The following GRIP1 variants were observed in gnomAD, a reference collection of about 807,000 sequenced individuals.
GRIP1 encodes the protein glutamate receptor-interacting protein 1.
A neutral mutation model predicts 129.9 loss-of-function variants in GRIP1; 45 were observed. That is an observed-to-expected ratio of 0.35 (90% CI 0.27 to 0.44). The LOEUF is 0.44. GRIP1 is among the 20% of genes least tolerant of loss of function. GRIP1 has a pLI of 1.00. For synonymous variants in GRIP1, 530 were observed against 520.8 expected (o/e 1.02, Z -0.24); for missense variants, 1,196 against 1,396.8 (o/e 0.86, Z 2.29).
intron 1 of GRIP1, among the ~76,000 whole-genome samples, chr12:66,811,280 T>C (rs1476341988): frequency 2.0e-5 from 3 of 152,222 alleles, no homozygotes; most frequent in Non-Finnish European, 4.4e-5. Flanking sequence ...AATTTCTGAA[T>C]GTAAAATGCT....
intron 1 of GRIP1, among the ~76,000 whole-genome samples, chr12:66,960,714 T>C (rs1485431135): frequency 2.0e-5 from 3 of 152,124 alleles, no homozygotes; most frequent in Non-Finnish European, 2.9e-5. Flanking sequence ...GTTGACACAA[T>C]TGGGGGCATC....
chr12:67,008,377 T>A (rs982100218), intron 1 of GRIP1, among the ~76,000 whole-genome samples: 1 of 152,148 alleles, frequency 6.6e-6, no homozygotes, highest in African/African-American at 2.4e-5. Context: ...CATGTAAAGG[T>A]TTATCTTAAA....
chr12:66,678,523 A>G (rs2034443973), intron 1 of GRIP1, among the ~76,000 whole-genome samples: 1 of 152,152 alleles, frequency 6.6e-6, no homozygotes, highest in South Asian at 2.1e-4. Flanking sequence ...CCTTTTGGCC[A>G]GTTAATCAGC....
intron 1 of GRIP1, among the ~76,000 whole-genome samples, chr12:66,851,014 C>T (rs1277810688): frequency 6.0e-5 from 9 of 149,770 alleles, no homozygotes; most frequent in South Asian, 4.3e-4. Flanking sequence ...ATGATTTATA[C>T]TGACTTCATT....
chr12:66,678,657 A>C (rs976667995), intron 1 of GRIP1, among the ~76,000 whole-genome samples, 193 bp downstream of exon 1: 2 of 152,190 alleles, frequency 1.3e-5, no homozygotes, highest in Non-Finnish European at 2.9e-5. Flanking sequence ...CAGCACGAAC[A>C]CAACCGAGAT....
At position 66,738,217 on chromosome 12, in the gene GRIP1, CT is replaced by C. The variant is rs141675411; in HGVS notation, c.-420+65835del. ...AGTGATGTCATAGATTTCTCTTTTT[CT>C]TTTTTTTTTCTTTTTTTTTGAGACA... On this transcript the variant is annotated intron_variant, in intron 1 of 4. Transcript: ENST00000538373. 4.7e-5 allele frequency among the ~76,000 whole-genome samples: 7 copies of C among 148,246 alleles called. No homozygotes were observed. In the South Asian group the frequency reaches 6.5e-4, roughly 14 times the overall value.
intron 1 of GRIP1, among the ~76,000 whole-genome samples, chr12:66,664,237 A>G (rs1054563862): frequency 2.6e-5 from 4 of 152,288 alleles, no homozygotes; most frequent in African/African-American, 7.2e-5. Flanking sequence ...CCAAAAATCA[A>G]TATGCTCAGA....
intron 1 of GRIP1, among the ~76,000 whole-genome samples, chr12:66,613,469 T>C (rs1185059947): frequency 6.6e-6 from 1 of 152,124 alleles, no homozygotes; most frequent in Non-Finnish European, 1.5e-5. Context: ...GAATTTTAAT[T>C]AAATAAAATG....
chr12:66,410,058 G>A (rs994079899), intron 15 of GRIP1, among the ~76,000 whole-genome samples: 7 of 150,384 alleles, frequency 4.7e-5, no homozygotes, highest in Non-Finnish European at 1.0e-4. Flanking sequence ...AGACCATCCC[G>A]GCTAAAACGG....
intron 1 of GRIP1, among the ~76,000 whole-genome samples, chr12:66,922,170 A>G (rs1373498363): frequency 6.6e-6 from 1 of 152,224 alleles, no homozygotes; most frequent in African/African-American, 2.4e-5. Flanking sequence ...GAGGAAAACC[A>G]ATTAATAAAT....
At chr12:66,431,023 C>A (rs1200538927) in intron 14 of GRIP1, among the ~76,000 whole-genome samples, 1 of 152,112 alleles carries the variant, frequency 6.6e-6, no homozygotes, top group Admixed American at 6.5e-5. Context: ...CCAAGACGCA[C>A]CACTCCCACA....
chr12:66,639,119 T>C (rs1233236052), intron 1 of GRIP1, among the ~76,000 whole-genome samples: 1 of 152,196 alleles, frequency 6.6e-6, no homozygotes, highest in Admixed American at 6.5e-5. Flanking sequence ...TATGTGTAAA[T>C]ATTATATATT....
At chr12:66,572,748 G>A (rs1194824813) in intron 2 of GRIP1, among the ~76,000 whole-genome samples, 3 of 152,138 alleles carry the variant, frequency 2.0e-5, no homozygotes, top group Non-Finnish European at 4.4e-5. Context: ...CCCCCAGTGT[G>A]AGAAACTAAT....
chr12:66,716,609 C>A (rs2035897325), intron 1 of GRIP1, among the ~76,000 whole-genome samples: 1 of 151,010 alleles, frequency 6.6e-6, no homozygotes, highest in Non-Finnish European at 1.5e-5. Context: ...TAAGGATTTC[C>A]TTAAAGTGGA....
intron 1 of GRIP1, among the ~76,000 whole-genome samples, chr12:67,013,731 C>A (rs768588784): frequency 5.3e-5 from 8 of 152,318 alleles, no homozygotes; most frequent in Non-Finnish European, 7.4e-5. Context: ...AATATCCATT[C>A]TATCCAGCCT....
At chr12:66,398,656 C>T (rs912696542) in intron 16 of GRIP1, among the ~76,000 whole-genome samples, 1 of 151,922 alleles carries the variant, frequency 6.6e-6, no homozygotes, top group Non-Finnish European at 1.5e-5. Flanking sequence ...CATTCTTGCT[C>T]TCAAACAAGG....
At chr12:66,378,590 T>C (rs915057807) in intron 20 of GRIP1, among the ~76,000 whole-genome samples, 1 of 150,556 alleles carries the variant, frequency 6.6e-6, no homozygotes, top group Non-Finnish European at 1.5e-5. Context: ...CTAGTAAAAA[T>C]ACAAAAATTA....
chr12:66,759,850 C>G (rs2037414940), intron 1 of GRIP1, among the ~76,000 whole-genome samples: 1 of 135,352 alleles, frequency 7.4e-6, no homozygotes, highest in African/African-American at 2.6e-5. Context: ...GTTCATAATA[C>G]TATCAACATT....
chr12:66,354,286 G>T (rs960816876), intron 23 of GRIP1, among the ~76,000 whole-genome samples: 1 of 152,120 alleles, frequency 6.6e-6, no homozygotes, highest in Non-Finnish European at 1.5e-5. Flanking sequence ...TCCTCCACCA[G>T]CCCTCACTCC....
Sources: allele counts gnomAD v4.1 joint callset (sites outside exome capture counted in the v4.1 genomes callset), GRCh38; gene constraint gnomAD v4.1.1; transcripts MANE v1.5; gene names NCBI Gene and HGNC (gene_info 2026-07-23, HGNC 2026-07-21).